KLF8: variants seen among roughly 807,000 people sequenced by gnomAD.
KLF8 encodes the protein Krueppel-like factor 8.
A neutral mutation model predicts 18.2 loss-of-function variants in KLF8; 10 were observed. The ratio of observed to expected loss-of-function variants is 0.55; its 90% CI spans 0.34 to 0.93. The LOEUF (loss-of-function observed/expected upper bound fraction) is 0.93, where lower values mean the gene tolerates loss of function less well. Ranked by LOEUF, KLF8 falls within the 40% of genes least tolerant of loss-of-function variation. The probability of loss-of-function intolerance (pLI) is 0.02; values close to 1 mark genes in which losing one functional copy is unlikely to be tolerated. For missense variants in KLF8, 264 were observed against 277.9 expected (o/e 0.95, Z 0.36); for synonymous variants, 109 against 97.3 (o/e 1.12, Z -0.71).
the KLF8 span, among the ~76,000 whole-genome samples, chrX:56,114,009 C>T: frequency 8.9e-6 from 1 of 112,022 alleles, no homozygotes; most frequent in Non-Finnish European, 1.9e-5. Flanking sequence ...GCCCTACCCC[C>T]AGGGGCTCTG....
At chrX:56,207,924 C>T in the KLF8 span, among the ~76,000 whole-genome samples, 3 of 111,099 alleles carry the variant, frequency 2.7e-5, no homozygotes, top group Non-Finnish European at 5.6e-5. Flanking sequence ...TTCCACATGG[C>T]TGGGGAAGCC....
the KLF8 span, among the ~76,000 whole-genome samples, chrX:55,956,444 G>A: frequency 7.2e-5 from 8 of 111,155 alleles, no homozygotes; most frequent in South Asian, 1.5e-3. Flanking sequence ...ATTATGTGGT[G>A]CATTATTTTT....
the KLF8 span, among the ~76,000 whole-genome samples, chrX:56,004,386 A>G: frequency 1.8e-5 from 2 of 112,249 alleles, no homozygotes; most frequent in Non-Finnish European, 3.8e-5. Flanking sequence ...TAATACTGGA[A>G]CTACCCACAA....
the KLF8 span, among the ~76,000 whole-genome samples, chrX:55,922,633 A>G: frequency 0.038 from 4,298 of 112,679 alleles, 223 homozygotes; most frequent in African/African-American, 0.13. Flanking sequence ...AATCGAAAGA[A>G]AGAAAAAATC....
the KLF8 span, among the ~76,000 whole-genome samples, chrX:55,922,779 C>T: frequency 8.9e-6 from 1 of 111,856 alleles, no homozygotes; most frequent in Non-Finnish European, 1.9e-5. Context: ...CAGTGAGATA[C>T]CATCTCACAC....
the KLF8 span, among the ~76,000 whole-genome samples, chrX:56,146,083 G>A: frequency 8.9e-6 from 1 of 111,921 alleles, no homozygotes; most frequent in African/African-American, 3.2e-5. Context: ...AGAGGATGGG[G>A]AAAAATAGAA....
the KLF8 span, among the ~76,000 whole-genome samples, chrX:55,974,015 A>G: frequency 5.4e-5 from 6 of 112,045 alleles, no homozygotes; most frequent in East Asian, 1.7e-3. Flanking sequence ...AAAATACAAA[A>G]CAATGTTCAT....
chrX:55,931,972 A>G, the KLF8 span, among the ~76,000 whole-genome samples: 1 of 110,326 alleles, frequency 9.1e-6, no homozygotes, highest in African/African-American at 3.3e-5. Flanking sequence ...TGAGGTGTTA[A>G]TATCTCCCAC....
At chrX:56,022,551 C>CAAAAAAAAAAAAAAAAAAAAAA in the KLF8 span, among the ~76,000 whole-genome samples, 16 of 27,294 alleles carry the variant, frequency 5.9e-4, 2 homozygotes, top group African/African-American at 1.2e-3. Context: ...TCTGTCTGAC[C>CAAAAAAAAAAAAAAAAAAAAAA]AAAAAAAAAA....
At chrX:55,939,429 G>T in the KLF8 span, among the ~76,000 whole-genome samples, 2 of 111,344 alleles carry the variant, frequency 1.8e-5, no homozygotes, top group South Asian at 3.8e-4. Context: ...AAACAGGAAA[G>T]ATCTAAAATT....
the KLF8 span, among the ~76,000 whole-genome samples, chrX:56,222,301 C>T: frequency 1.8e-5 from 2 of 110,102 alleles, no homozygotes; most frequent in South Asian, 3.9e-4. Context: ...TAGAGAGTGC[C>T]GATTGGTGTA....
At chrX:55,982,834 C>A in the KLF8 span, among the ~76,000 whole-genome samples, 1 of 112,115 alleles carries the variant, frequency 8.9e-6, no homozygotes, top group Non-Finnish European at 1.9e-5. Flanking sequence ...GACAATGCAA[C>A]TTTTCTGTCT....
the KLF8 span, among the ~76,000 whole-genome samples, chrX:56,155,662 T>A: frequency 8.9e-6 from 1 of 111,835 alleles, no homozygotes; most frequent in Non-Finnish European, 1.9e-5. Context: ...TATCTTTTTT[T>A]AAATTTCAAC....
chrX:55,979,760 G>A, the KLF8 span, among the ~76,000 whole-genome samples: 1 of 111,507 alleles, frequency 9.0e-6, no homozygotes, highest in Non-Finnish European at 1.9e-5. Flanking sequence ...TGGAGAAGAA[G>A]GGTTAGTTTT....
At chrX:56,137,498 C>T in the KLF8 span, among the ~76,000 whole-genome samples, 22 of 104,531 alleles carry the variant, frequency 2.1e-4, no homozygotes, top group Middle Eastern at 4.8e-3. Flanking sequence ...AGTAAACTAT[C>T]GCAAGAACAA....
the KLF8 span, among the ~76,000 whole-genome samples, chrX:55,995,575 G>A: frequency 8.9e-6 from 1 of 112,088 alleles, no homozygotes; most frequent in African/African-American, 3.2e-5. Context: ...ACTATGTCTA[G>A]TGGTCACAAA....
the KLF8 span, among the ~76,000 whole-genome samples, chrX:55,934,536 A>G: frequency 1.8e-5 from 2 of 112,196 alleles, no homozygotes; most frequent in Non-Finnish European, 3.8e-5. Context: ...TGAATCAGTG[A>G]AAGTTATTCC....
chrX:55,944,173 G>A, the KLF8 span, among the ~76,000 whole-genome samples: 5 of 108,157 alleles, frequency 4.6e-5, no homozygotes, highest in South Asian at 4.1e-4. Flanking sequence ...GCATCCCAGG[G>A]ATGAAGCCCA....
the KLF8 span, among the ~76,000 whole-genome samples, chrX:55,923,738 GTGTGTGTA>G: frequency 1.8e-4 from 18 of 99,498 alleles, no homozygotes; most frequent in South Asian, 1.7e-3. Flanking sequence ...GTGTGTGTGT[GTGTGTGTA>G]TATCTGTATA....
Sources: allele counts gnomAD v4.1 joint callset (sites outside exome capture counted in the v4.1 genomes callset), GRCh38; gene constraint gnomAD v4.1.1; transcripts MANE v1.5; gene names NCBI Gene and HGNC (gene_info 2026-07-23, HGNC 2026-07-21).